Variants in MTRF1 observed in about 807,000 individuals in gnomAD.
MTRF1 encodes peptide chain release factor 1, mitochondrial.
Under a neutral mutation model 62.9 loss-of-function variants are expected in MTRF1, and 51 were observed. The ratio of observed to expected loss-of-function variants is 0.81; its 90% confidence interval spans 0.65 to 1.02. The LOEUF (loss-of-function observed/expected upper bound fraction) is 1.02, where lower values mean the gene tolerates loss of function less well. MTRF1 is among the 50% of genes least tolerant of loss of function. MTRF1 has a pLI of 0.00. For synonymous variants in MTRF1, 158 were observed against 181.9 expected (o/e 0.87, Z 1.06); for missense variants, 446 against 530.0 (o/e 0.84, Z 1.56).
intron 5 of MTRF1, among the ~76,000 whole-genome samples, chr13:41,247,559 A>T (rs1365236505): frequency 6.6e-6 from 1 of 152,208 alleles, no homozygotes; most frequent in Non-Finnish European, 1.5e-5. Flanking sequence ...GCGAAATAGG[A>T]GAGCTAAATG....
intron 5 of MTRF1, among the ~76,000 whole-genome samples, chr13:41,245,623 G>A (rs2038141318): frequency 6.6e-6 from 1 of 152,104 alleles, no homozygotes; most frequent in South Asian, 2.1e-4. Flanking sequence ...TGCTTTCATT[G>A]TCTGTAGGGA....
chr13:41,241,630 A>C (rs2138970987), intron 5 of MTRF1, among the ~76,000 whole-genome samples: 1 of 152,280 alleles, frequency 6.6e-6, no homozygotes, highest in South Asian at 2.1e-4. Context: ...CCCATTTAAA[A>C]ATGTTTGATG....
intron 5 of MTRF1, among the ~76,000 whole-genome samples, chr13:41,251,421 G>A (rs1003420972): frequency 1.7e-4 from 26 of 151,962 alleles, no homozygotes; most frequent in African/African-American, 6.0e-4. Context: ...ATCAATCAAA[G>A]CTGTTCAAAA....
rs966869641 is a variant in MTRF1, at chr13:41,257,372, G to C, written c.416-2752C>G. Among the ~76,000 whole-genome samples, 3 of 152,252 alleles carry C rather than the reference G, an allele frequency of 2.0e-5. No individual in the cohort carries two copies. The East Asian group carries it at 5.8e-4, about 29-fold the overall frequency. ...CAATCAGCTAAGTCAGAGATGTAAT[G>C]AAGATATAAATTAGTGGAAGGAATA... On this transcript the variant is annotated intron_variant, in intron 2 of 9. Transcript: ENST00000379480.
chr13:41,303,175 A>G, the MTRF1 span, among the ~76,000 whole-genome samples: 2,055 of 152,254 alleles, frequency 0.013, 53 homozygotes, highest in African/African-American at 0.045. Flanking sequence ...ACAAAAACAG[A>G]TAAGTAGTTT....
chr13:41,273,069 G>A, the MTRF1 span, among the ~76,000 whole-genome samples: 1 of 152,136 alleles, frequency 6.6e-6, no homozygotes, highest in Non-Finnish European at 1.5e-5. Context: ...GCTCACGTCT[G>A]TAATCCCAGG....
intron 5 of MTRF1, among the ~76,000 whole-genome samples, chr13:41,247,216 G>A (rs1249401757): frequency 2.0e-5 from 3 of 152,196 alleles, no homozygotes; most frequent in Admixed American, 6.5e-5. Flanking sequence ...TTCCTGGATC[G>A]GTGTGAAATC....
intron 4 of MTRF1, 90 bp from the exon 5 acceptor site, chr13:41,252,842 T>C: frequency 1.4e-6 from 2 of 1,385,880 alleles, no homozygotes; most frequent in Non-Finnish European, 2.0e-6. Flanking sequence ...AGAATAACTA[T>C]TTCCAAATTT....
intron 7 of MTRF1, among the ~76,000 whole-genome samples, chr13:41,230,916 G>A (rs1282183773): frequency 6.6e-6 from 1 of 151,822 alleles, no homozygotes; most frequent in Admixed American, 6.6e-5. Flanking sequence ...GTAGAGACAG[G>A]GTTTCACCAT....
At chr13:41,255,765 T>G (rs1356911965) in intron 2 of MTRF1, among the ~76,000 whole-genome samples, 1 of 152,028 alleles carries the variant, frequency 6.6e-6, no homozygotes, top group Non-Finnish European at 1.5e-5. Context: ...ATGGAGAAAA[T>G]GGGCCTTTTT....
Position 41,217,242 on chromosome 13 carries a change from G to C in MTRF1, c.1225-14C>G. Reference sequence around the variant, plus strand: ...ACATAAAAATTCCTGGTAAAAGAGAGAGCTATTATGAAACCTAATGATTAG... The same window carrying C: ...ACATAAAAATTCCTGGTAAAAGAGACAGCTATTATGAAACCTAATGATTAG... On this transcript the variant is annotated splice_polypyrimidine_tract_variant and intron_variant, in intron 9 of 9. Transcript: ENST00000379480. The C allele has an allele frequency of 6.9e-7, 1 of 1,450,390 alleles. No homozygotes were observed. Among genetic ancestry groups the C allele is most frequent in the Non-Finnish European group, 9.6e-7 (1 of 1,042,386 alleles). The allele number at this position is 1,450,390 out of a possible 1,614,324, so 89.8% of individuals were successfully genotyped here. A position where few individuals can be genotyped will look rare whatever the true frequency, so the allele number is the denominator to read the frequency against.
chr13:41,277,560 G>A, the MTRF1 span, among the ~76,000 whole-genome samples: 1 of 152,158 alleles, frequency 6.6e-6, no homozygotes, highest in African/African-American at 2.4e-5. Context: ...GATGCATAGG[G>A]CAAGGTATGG....
rs552768932 is a variant in MTRF1, at chr13:41,222,681, A to C, written c.1224+575T>G. On this transcript the variant is annotated intron_variant, in intron 9 of 9. Transcript: ENST00000379480. ...AACTTCCAACAGTATTTACGCGCTG[A>C]AAAGCAGCCTCCAGCTGACTGTCAG... Among the ~76,000 whole-genome samples the C allele has an allele frequency of 2.6e-5, 4 of 152,364 alleles. No individual in the cohort carries two copies. In the East Asian group the frequency reaches 5.8e-4, roughly 22 times the overall value.
the MTRF1 span, among the ~76,000 whole-genome samples, chr13:41,301,614 G>T: frequency 2.0e-5 from 3 of 152,128 alleles, no homozygotes; most frequent in Non-Finnish European, 2.9e-5. Context: ...CGGATGTGGT[G>T]GTGGGCATCT....
At chr13:41,259,210 T>C (rs1298609150) in intron 2 of MTRF1, among the ~76,000 whole-genome samples, 1 of 152,168 alleles carries the variant, frequency 6.6e-6, no homozygotes, top group Non-Finnish European at 1.5e-5. Context: ...AGTCTAGCAC[T>C]TCCTCAAAAG....
At chr13:41,287,774 C>A in the MTRF1 span, 1 of 195,954 alleles carries the variant, frequency 5.1e-6, no homozygotes, top group South Asian at 1.0e-4. Context: ...TCCTCTTCTT[C>A]ACAGGAGGTG....
chr13:41,293,110 C>T, the MTRF1 span, among the ~76,000 whole-genome samples: 2 of 152,046 alleles, frequency 1.3e-5, no homozygotes, highest in African/African-American at 4.8e-5. Flanking sequence ...GTTTTTATTA[C>T]TATCTCATGA....
At chr13:41,224,194 C>G (rs1395365381) in intron 8 of MTRF1, among the ~76,000 whole-genome samples, 1 of 152,144 alleles carries the variant, frequency 6.6e-6, no homozygotes, top group East Asian at 1.9e-4. Flanking sequence ...ACTCTCCTAC[C>G]ATTTCTGCCT....
upstream of MTRF1, among the ~76,000 whole-genome samples, chr13:41,266,614 C>G (rs1228334742): frequency 6.6e-6 from 1 of 151,964 alleles, no homozygotes. Flanking sequence ...ATCTCAAAAA[C>G]AAAAACAAAA....
Sources: allele counts gnomAD v4.1 joint callset (sites outside exome capture counted in the v4.1 genomes callset), GRCh38; gene constraint gnomAD v4.1.1; transcripts MANE v1.5; gene names NCBI Gene and HGNC (gene_info 2026-07-23, HGNC 2026-07-21).